The following SNX30 variants were observed in gnomAD, a reference collection of about 807,000 sequenced individuals.
The protein encoded by SNX30 is sorting nexin family member 30.
Under a neutral mutation model 46.4 loss-of-function variants are expected in SNX30, and 24 were observed. That is an observed-to-expected ratio of 0.52 (90% CI 0.37 to 0.73). SNX30 has a LOEUF of 0.73. Among genes scored for constraint, SNX30 ranks in the 30% least tolerant of loss-of-function variants. The pLI, the probability that SNX30 is intolerant of heterozygous loss-of-function variation, is 0.00. For missense variants in SNX30, 533 were observed against 555.7 expected, an observed-to-expected ratio of 0.96 and a Z score of 0.41; for synonymous variants, 189 against 211.5, an observed-to-expected ratio of 0.89 and a Z score of 0.92.
Position 112,873,628 on chromosome 9 carries a change from C to T in SNX30, c.*4785C>T, listed in dbSNP as rs1841479674. On this transcript the variant is annotated 3_prime_UTR_variant, in exon 9 of 9. Coordinates refer to ENST00000374232, the MANE Select transcript of SNX30 (RefSeq NM_001012994.2). ...TTGATAATGTAAGGAAACACAGGGA[C>T]CACAAAACCTTTTTTTTTTTTTTAA... 1 of 90,590 alleles carries T rather than the reference C, an allele frequency of 1.1e-5. No homozygotes were observed. Among genetic ancestry groups the T allele is most frequent in the African/African-American group, 3.8e-5 (1 of 26,414 alleles). The allele number at this position is 90,590 out of a possible 1,614,324, so 5.6% of individuals were successfully genotyped here.
In SNX30 at chr9:112,869,845, G is replaced by A. The variant is rs1841417839; in HGVS notation, c.*1002G>A. The A allele has an allele frequency of 6.6e-6, 1 of 152,154 alleles. No homozygotes were observed. Among genetic ancestry groups the A allele is most frequent in the South Asian group, 2.1e-4 (1 of 4,830 alleles). The allele number at this position is 152,154 out of a possible 1,614,324, so 9.4% of individuals were successfully genotyped here. ...ATATTTCCTCCTGTGTCCTCTGAAT[G>A]TCTGGGCGAGCTTTTGGTGAGAGGG... On this transcript the variant is annotated 3_prime_UTR_variant, in exon 9 of 9. Coordinates refer to ENST00000374232, the MANE Select transcript of SNX30 (RefSeq NM_001012994.2).
At chr9:112,868,631 C>T (rs1372320753) in intron 8 of SNX30, among the ~76,000 whole-genome samples, 153 bp from the exon 9 acceptor site, 5 of 152,186 alleles carry the variant, frequency 3.3e-5, no homozygotes, top group South Asian at 4.1e-4. Context: ...GTTACCTCCC[C>T]GTTTGTAATA....
intron 7 of SNX30, among the ~76,000 whole-genome samples, chr9:112,856,401 GGCGTGTGGT>G (rs1841128829): frequency 6.7e-6 from 1 of 150,236 alleles, no homozygotes; most frequent in Non-Finnish European, 1.5e-5. Flanking sequence ...GTGTAGGGAG[GGCGTGTGGT>G]GTGTGTGGGG....
intron 1 of SNX30, among the ~76,000 whole-genome samples, chr9:112,756,501 A>G (rs1408775768): frequency 7.7e-6 from 1 of 129,274 alleles, no homozygotes; most frequent in African/African-American, 3.0e-5. Flanking sequence ...CTGTGGTGCA[A>G]TGGCACGATC....
Position 112,756,435 on chromosome 9 carries a change from CTTTTTTTTTTTTT to C in SNX30, c.156+5293_156+5305del, listed in dbSNP as rs61338659. Among the ~76,000 whole-genome samples, 4 of 67,428 alleles carry C rather than the reference CTTTTTTTTTTTTT, an allele frequency of 5.9e-5. 1 individual carries two copies. Among genetic ancestry groups the C allele is most frequent in the South Asian group, 1.5e-3 (2 of 1,354 alleles). The allele number at this position is 67,428 out of a possible 152,430, so 44.2% of individuals were successfully genotyped here. On this transcript the variant is annotated intron_variant, in intron 1 of 8. Transcript: ENST00000374232. ...CTTGACCTCCTTATCTGTAATCATC[CTTTTTTTTTTTTT>C]TTTTTTTTTTTTTTGGGATGGAGTC... is the stretch of plus-strand genomic sequence containing the variant.
chr9:112,844,268 GA>G (rs1588136000), intron 6 of SNX30, among the ~76,000 whole-genome samples: 1 of 152,204 alleles, frequency 6.6e-6, no homozygotes, highest in African/African-American at 2.4e-5. Context: ...TTGGGACGGG[GA>G]GGGTCCAGGG....
rs1203450421 is a variant in SNX30 at position 112,870,577 on chromosome 9, G to C, written c.*1734G>C. 1.3e-5 allele frequency: 2 copies of C among 152,380 alleles called. No homozygotes were observed. The highest frequency in any genetic ancestry group is 3.4e-3 in the Middle Eastern group (1 of 294). 9.4% of individuals were successfully genotyped at this position (152,380 alleles called of 1,614,324 possible). A position where few individuals can be genotyped will look rare whatever the true frequency, so the allele number is the denominator to read the frequency against. On this transcript the variant is annotated 3_prime_UTR_variant, in exon 9 of 9. Transcript: ENST00000374232. ...GTGCCATTCTCAAGTCCTTTGATGT[G>C]AATTTTCAGTTTGGTACAGTTAGAA...
chr9:112,755,346 C>G (rs547384167), intron 1 of SNX30, among the ~76,000 whole-genome samples: 1 of 151,938 alleles, frequency 6.6e-6, no homozygotes, highest in African/African-American at 2.4e-5. Flanking sequence ...GCTGGTGTGT[C>G]GGGGAGCAGC....
intron 2 of SNX30, among the ~76,000 whole-genome samples, chr9:112,810,090 G>A (rs1172598986): frequency 2.0e-5 from 3 of 152,156 alleles, no homozygotes; most frequent in Middle Eastern, 3.2e-3. Flanking sequence ...AGGAAGTTAA[G>A]GGGTTCTTTG....
chr9:112,762,437 C>T (rs1040602737), intron 1 of SNX30, among the ~76,000 whole-genome samples: 5 of 152,062 alleles, frequency 3.3e-5, no homozygotes. Flanking sequence ...GAAGATCTCT[C>T]CCCCGAGAGG....
chr9:112,883,963 G>A (rs1440538930), downstream of SNX30, among the ~76,000 whole-genome samples: 1 of 152,188 alleles, frequency 6.6e-6, no homozygotes, highest in Non-Finnish European at 1.5e-5. Context: ...CCAAAGTGCT[G>A]GGATTACAGG....
rs1238438593 is a variant in SNX30 at position 112,869,622 on chromosome 9, T to TG, written c.*779_*780insG. Reference sequence around the variant, plus strand: ...ATGAAAAAAACAAAGTGCTGGTTTTTTTTTTTTTTCTGTGAAGGTCTTCAG... The same window carrying TG: ...ATGAAAAAAACAAAGTGCTGGTTTTTGTTTTTTTTTCTGTGAAGGTCTTCAG... On this transcript the variant is annotated 3_prime_UTR_variant, in exon 9 of 9. Coordinates refer to ENST00000374232, the MANE Select transcript of SNX30 (RefSeq NM_001012994.2). 1.3e-5 allele frequency: 2 copies of TG among 151,730 alleles called. No homozygotes were observed. The highest frequency in any genetic ancestry group is 2.9e-5 in the Non-Finnish European group (2 of 67,882). The allele number at this position is 151,730 out of a possible 1,614,324, so 9.4% of individuals were successfully genotyped here. A position where few individuals can be genotyped will look rare whatever the true frequency, so the allele number is the denominator to read the frequency against.
intron 1 of SNX30, among the ~76,000 whole-genome samples, chr9:112,791,399 CTTTTT>C (rs386415930): frequency 1.0e-4 from 7 of 67,476 alleles, no homozygotes; most frequent in East Asian, 1.1e-3. Flanking sequence ...TATTTAGGAA[CTTTTT>C]TTTTTTTTTT....
At chr9:112,795,152 A>G (rs1840087220) in intron 1 of SNX30, among the ~76,000 whole-genome samples, 1 of 152,154 alleles carries the variant, frequency 6.6e-6, no homozygotes, top group Admixed American at 6.5e-5. Context: ...ATGCAAGAAT[A>G]CTTACAAGCA....
intron 8 of SNX30, among the ~76,000 whole-genome samples, chr9:112,867,874 G>T (rs1057399992): frequency 1.3e-5 from 2 of 151,948 alleles, no homozygotes; most frequent in Non-Finnish European, 2.9e-5. Context: ...CTCCACCCCT[G>T]GGGCTGCTAC....
At chr9:112,792,711 G>A (rs778341370) in intron 1 of SNX30, among the ~76,000 whole-genome samples, 1 of 152,202 alleles carries the variant, frequency 6.6e-6, no homozygotes, top group African/African-American at 2.4e-5. Context: ...TAGGTTTGAG[G>A]CCACTACACC....
intron 1 of SNX30, among the ~76,000 whole-genome samples, chr9:112,762,959 G>A (rs1340036311): frequency 6.6e-6 from 1 of 152,180 alleles, no homozygotes; most frequent in Non-Finnish European, 1.5e-5. Context: ...GTTGACGGCT[G>A]CTTGGGTGGG....
chr9:112,791,399 CTTT>C (rs386415930), intron 1 of SNX30, among the ~76,000 whole-genome samples: 13 of 67,452 alleles, frequency 1.9e-4, no homozygotes, highest in South Asian at 7.2e-4. Flanking sequence ...TATTTAGGAA[CTTT>C]TTTTTTTTTT....
chr9:112,796,771 C>T (rs995660815), intron 1 of SNX30, among the ~76,000 whole-genome samples: 3 of 152,178 alleles, frequency 2.0e-5, no homozygotes, highest in African/African-American at 7.2e-5. Flanking sequence ...AGTTGGGTGA[C>T]ATTGCCCTTG....
Sources: gnomAD v4.1 joint callset for allele counts (sites outside exome capture counted in the v4.1 genomes callset) on GRCh38, gnomAD v4.1.1 for gene constraint, MANE v1.5 for transcripts, NCBI Gene and HGNC (gene_info 2026-07-23, HGNC 2026-07-21) for gene names.